The following MTUS2 variants were observed in gnomAD, a reference collection of about 807,000 sequenced individuals.
MTUS2 encodes the protein microtubule-associated tumor suppressor candidate 2.
A neutral mutation model predicts 114.1 loss-of-function variants in MTUS2; 40 were observed. The observed-to-expected ratio is 0.35, with a 90% CI of 0.27 to 0.46. MTUS2 has a LOEUF of 0.46. Among genes scored for constraint, MTUS2 ranks in the 20% least tolerant of loss-of-function variants. MTUS2 has a pLI of 1.00. For missense variants in MTUS2, 1,679 were observed against 1,705.4 expected (o/e 0.98, Z 0.27); for synonymous variants, 688 against 672.0 (o/e 1.02, Z -0.37).
chr13:28,969,768 G>T (rs2138248746), intron 2 of MTUS2, among the ~76,000 whole-genome samples: 1 of 151,578 alleles, frequency 6.6e-6, no homozygotes, highest in Non-Finnish European at 1.5e-5. Context: ...CTCCCAAAGT[G>T]CTGGGATTAC....
chr13:29,361,494 A>G (rs1365155436), intron 8 of MTUS2, among the ~76,000 whole-genome samples: 1 of 152,216 alleles, frequency 6.6e-6, no homozygotes, highest in Non-Finnish European at 1.5e-5. Context: ...CTAATTGAAC[A>G]TAATCAGTGG....
intron 8 of MTUS2, among the ~76,000 whole-genome samples, chr13:29,425,327 A>C (rs1232719664): frequency 6.6e-6 from 1 of 152,064 alleles, no homozygotes; most frequent in Non-Finnish European, 1.5e-5. Context: ...AATTGCTTAA[A>C]CCTGGGAGGC....
chr13:29,075,330 A>G (rs560249438), intron 4 of MTUS2, among the ~76,000 whole-genome samples: 2 of 152,274 alleles, frequency 1.3e-5, no homozygotes, highest in East Asian at 3.9e-4. Context: ...GTGATTTTTC[A>G]TGGCTCTGGA....
At chr13:29,015,914 C>CT (rs1266469311) in intron 2 of MTUS2, among the ~76,000 whole-genome samples, 1 of 150,724 alleles carries the variant, frequency 6.6e-6, no homozygotes, top group East Asian at 1.9e-4. Flanking sequence ...CGTTCTTCTT[C>CT]TTTTTTTTTA....
At chr13:29,155,949 G>A (rs1472406601) in intron 5 of MTUS2, among the ~76,000 whole-genome samples, 2 of 152,004 alleles carry the variant, frequency 1.3e-5, no homozygotes, top group African/African-American at 4.8e-5. Flanking sequence ...TAGGAGGCAG[G>A]GCAGTAAATA....
intron 2 of MTUS2, among the ~76,000 whole-genome samples, chr13:28,888,499 G>A (rs954609451): frequency 3.4e-5 from 5 of 147,626 alleles, no homozygotes; most frequent in Admixed American, 7.0e-5. Flanking sequence ...TTGGCTCACC[G>A]CAAACTTTGC....
intron 9 of MTUS2, among the ~76,000 whole-genome samples, chr13:29,471,025 T>G (rs1054441072): frequency 6.6e-6 from 1 of 152,158 alleles, no homozygotes; most frequent in Non-Finnish European, 1.5e-5. Flanking sequence ...TTACTGCACT[T>G]ATCTAAAATT....
intron 10 of MTUS2, chr13:29,481,984 C>T (rs1881220284): frequency 6.6e-6 from 1 of 152,214 alleles, no homozygotes; most frequent in Non-Finnish European, 1.5e-5. Context: ...CTGCTGTCTA[C>T]AGTCTTACTC....
chr13:29,084,152 GCATT>G (rs775499984), intron 4 of MTUS2, among the ~76,000 whole-genome samples: 3 of 152,134 alleles, frequency 2.0e-5, no homozygotes, highest in Non-Finnish European at 4.4e-5. Flanking sequence ...GCCTGTTGGT[GCATT>G]CAAATTGTGT....
At chr13:29,386,370 A>G (rs1400535317) in intron 8 of MTUS2, among the ~76,000 whole-genome samples, 1 of 152,152 alleles carries the variant, frequency 6.6e-6, no homozygotes. Flanking sequence ...CATCAAGGGT[A>G]AGGGATTTGC....
chr13:28,967,379 A>G (rs1883644948), intron 2 of MTUS2, among the ~76,000 whole-genome samples: 1 of 152,188 alleles, frequency 6.6e-6, no homozygotes, highest in Admixed American at 6.5e-5. Flanking sequence ...GTGTAATTAT[A>G]ATTTACTGCA....
chr13:29,224,915 T>A (rs1448086262), intron 5 of MTUS2, among the ~76,000 whole-genome samples: 2 of 152,172 alleles, frequency 1.3e-5, no homozygotes, highest in Admixed American at 1.3e-4. Context: ...TGTCCAATGA[T>A]GATATTATTA....
In MTUS2 at chr13:29,325,482, GA is replaced by G. The variant is rs1900451090; in HGVS notation, c.2905+772del. Among the ~76,000 whole-genome samples, 6 of 101,778 alleles carry G rather than the reference GA, an allele frequency of 5.9e-5. No homozygotes were observed. The East Asian group carries it at 8.4e-4, about 14-fold the overall frequency. 66.8% of individuals were successfully genotyped at this position (101,778 alleles called of 152,430 possible). ...AAAAAAAAAAAAAAGAAAAGAAGAA[GA>G]GGAAGAGGGAGGAGGAGGAGGAGGA... On this transcript the variant is annotated intron_variant, in intron 7 of 15. Coordinates refer to ENST00000612955, the MANE Select transcript of MTUS2 (RefSeq NM_001033602.4).
chr13:29,494,958 G>A (rs1372848164), intron 12 of MTUS2, among the ~76,000 whole-genome samples: 2 of 151,508 alleles, frequency 1.3e-5, no homozygotes, highest in Non-Finnish European at 2.9e-5. Flanking sequence ...GGCTGAGGCG[G>A]GCAGATCACC....
At chr13:29,107,155 G>T (rs77601265) in intron 5 of MTUS2, among the ~76,000 whole-genome samples, 3,773 of 152,034 alleles carry the variant, frequency 0.025, 170 homozygotes, top group African/African-American at 0.086. Context: ...CCCTCAATGT[G>T]ATTTTTTTGT....
At chr13:29,310,971 G>T (rs1017833243) in intron 6 of MTUS2, among the ~76,000 whole-genome samples, 4 of 152,186 alleles carry the variant, frequency 2.6e-5, no homozygotes, top group Admixed American at 2.6e-4. Context: ...AGAAGTGGGA[G>T]CAACTCAAAC....
rs118061362 is a variant in MTUS2 at position 29,477,171 on chromosome 13, C to T, written c.3185-2979C>T. 3.0e-3 allele frequency among the ~76,000 whole-genome samples: 459 copies of T among 152,330 alleles called. 2 individuals are homozygous for T. The highest frequency in any genetic ancestry group is 5.6e-3 in the Non-Finnish European group (383 of 68,028). ...TCTGTAGGGTGACTTTGTGCTTTCT[C>T]TCAATGTAGATAAAATTCTTGCTTC... is the stretch of plus-strand genomic sequence containing the variant. On this transcript the variant is annotated intron_variant, in intron 9 of 15. Coordinates refer to ENST00000612955, the MANE Select transcript of MTUS2 (RefSeq NM_001033602.4).
chr13:29,388,999 C>G (rs1872826686), intron 8 of MTUS2, among the ~76,000 whole-genome samples: 1 of 152,032 alleles, frequency 6.6e-6, no homozygotes, highest in African/African-American at 2.4e-5. Flanking sequence ...TGGGCCCACC[C>G]ACATCCATCC....
In MTUS2 at chr13:29,026,130, G is replaced by A; in HGVS notation, c.1432G>A (p.Glu478Lys). ...TTTGGTGTTCAATCCTTCTGTTGGA[G>A]AGAACAAGACGGAGGTGCCTGAGCC... ...MVLVFNPSVG[E>K]NKTEVPEPLD... Residue 478 changes from glutamate to lysine, a missense_variant, in exon 3 of 16, where the codon GAG becomes AAG. By Grantham distance (56) the Glu-to-Lys change is moderately conservative. Transcript: ENST00000612955. The A allele has an allele frequency of 1.9e-6, 3 of 1,614,018 alleles. No homozygotes were observed. The highest frequency in any genetic ancestry group is 1.6e-4 in the Middle Eastern group (1 of 6,062).
Sources: allele counts gnomAD v4.1 joint callset (sites outside exome capture counted in the v4.1 genomes callset), GRCh38; gene constraint gnomAD v4.1.1; transcripts MANE v1.5; gene names NCBI Gene and HGNC (gene_info 2026-07-23, HGNC 2026-07-21).